The following NPAS3 variants were observed in gnomAD, a reference collection of about 807,000 sequenced individuals.
NPAS3 encodes neuronal PAS domain-containing protein 3.
In NPAS3, 14 loss-of-function variants were observed where a neutral mutation model predicts 73.1. The observed-to-expected ratio is 0.19, with a 90% CI of 0.13 to 0.30. The LOEUF is 0.30. Ranked by LOEUF, NPAS3 falls within the 10% of genes least tolerant of loss-of-function variation. NPAS3 has a pLI of 1.00. For missense variants in NPAS3, 1,096 were observed against 1,250.0 expected, an observed-to-expected ratio of 0.88 and a Z score of 1.86; for synonymous variants, 620 against 541.5, an observed-to-expected ratio of 1.14 and a Z score of -2.01.
chr14:33,615,308 T>C (rs999987726), intron 5 of NPAS3, among the ~76,000 whole-genome samples: 1 of 152,088 alleles, frequency 6.6e-6, no homozygotes, highest in Non-Finnish European at 1.5e-5. Context: ...CCAAGTTCAA[T>C]TTGGCTGCAG....
intron 3 of NPAS3, among the ~76,000 whole-genome samples, chr14:33,325,462 A>G (rs966223101): frequency 6.6e-6 from 1 of 152,110 alleles, no homozygotes; most frequent in Non-Finnish European, 1.5e-5. Flanking sequence ...CCTGGCCAAC[A>G]TGGTGAAACC....
chr14:33,384,456 G>A (rs1340503854), intron 4 of NPAS3, among the ~76,000 whole-genome samples: 1 of 151,870 alleles, frequency 6.6e-6, no homozygotes, highest in Non-Finnish European at 1.5e-5. Context: ...AAGGCCAGGT[G>A]CAGTGGCTCA....
intron 2 of NPAS3, among the ~76,000 whole-genome samples, chr14:33,154,743 CA>C (rs2044586765): frequency 6.6e-6 from 1 of 152,166 alleles, no homozygotes; most frequent in Non-Finnish European, 1.5e-5. Flanking sequence ...TCCTAACAAA[CA>C]AATATGACAA....
chr14:33,285,846 A>C (rs1226675597), intron 3 of NPAS3, among the ~76,000 whole-genome samples: 1 of 152,100 alleles, frequency 6.6e-6, no homozygotes, highest in African/African-American at 2.4e-5. Flanking sequence ...TAGAATTGAA[A>C]GCTTTATGTA....
chr14:32,983,438 T>A (rs1361862429), intron 1 of NPAS3, among the ~76,000 whole-genome samples: 1 of 152,308 alleles, frequency 6.6e-6, no homozygotes, highest in South Asian at 2.1e-4. Context: ...TGTATTAAAT[T>A]ATTTATTTTT....
chr14:33,450,462 A>AT (rs1286285829), intron 4 of NPAS3, among the ~76,000 whole-genome samples: 2 of 152,138 alleles, frequency 1.3e-5, no homozygotes, highest in Non-Finnish European at 2.9e-5. Context: ...CTCCCAAACT[A>AT]TTTTTTTAAT....
intron 2 of NPAS3, among the ~76,000 whole-genome samples, chr14:33,182,661 A>C (rs769919079): frequency 6.6e-6 from 1 of 151,776 alleles, no homozygotes; most frequent in Non-Finnish European, 1.5e-5. Flanking sequence ...TAGGTTCCAA[A>C]TTTTTTCCTT....
At chr14:32,999,384 G>T (rs1180486052) in intron 1 of NPAS3, among the ~76,000 whole-genome samples, 1 of 152,028 alleles carries the variant, frequency 6.6e-6, no homozygotes, top group Non-Finnish European at 1.5e-5. Flanking sequence ...GGTGGCAGGT[G>T]CCTGTAGTCC....
intron 6 of NPAS3, among the ~76,000 whole-genome samples, chr14:33,693,482 G>GAATTTCCC (rs1199580420): frequency 2.6e-5 from 4 of 152,078 alleles, no homozygotes; most frequent in Admixed American, 2.6e-4. Flanking sequence ...CCGTCAATGT[G>GAATTTCCC]GTAAATTCAG....
At chr14:33,596,672 G>C (rs557195429) in intron 5 of NPAS3, among the ~76,000 whole-genome samples, 10 of 152,190 alleles carry the variant, frequency 6.6e-5, no homozygotes, top group Non-Finnish European at 1.2e-4. Flanking sequence ...ATAAAGATTT[G>C]TATTACAATG....
intron 3 of NPAS3, among the ~76,000 whole-genome samples, chr14:33,341,962 T>C (rs2044506541): frequency 6.6e-6 from 1 of 152,246 alleles, no homozygotes; most frequent in South Asian, 2.1e-4. Context: ...TTCTGGTTTG[T>C]TACTGTCTTG....
intron 4 of NPAS3, among the ~76,000 whole-genome samples, chr14:33,503,292 A>G (rs552654924): frequency 3.1e-4 from 47 of 152,060 alleles, no homozygotes; most frequent in Middle Eastern, 3.4e-3. Flanking sequence ...TATATTCTAA[A>G]TGGCTTGAGT....
At position 33,221,738 on chromosome 14, in the gene NPAS3, C is replaced by A. The variant is rs551120590; in HGVS notation, c.385+6312C>A. 2.0e-5 allele frequency among the ~76,000 whole-genome samples: 3 copies of A among 152,086 alleles called. No homozygotes were observed. In the South Asian group the frequency reaches 6.2e-4, roughly 31 times the overall value. On this transcript the variant is annotated intron_variant, in intron 3 of 11. Transcript: ENST00000356141. ...TTAAGATTAATCAACCTCTTTCTAT[C>A]GCCACTATTACCTTATTTTCCTGTA...
At chr14:32,952,559 CT>C (rs1417228072) in intron 1 of NPAS3, among the ~76,000 whole-genome samples, 1 of 151,894 alleles carries the variant, frequency 6.6e-6, no homozygotes, top group African/African-American at 2.4e-5. Flanking sequence ...AGTACCTCCC[CT>C]GGAAACAATG....
chr14:33,269,978 G>A (rs1403097430), intron 3 of NPAS3, among the ~76,000 whole-genome samples: 6 of 152,140 alleles, frequency 3.9e-5, no homozygotes, highest in East Asian at 1.9e-4. Flanking sequence ...TTGGGCGGGT[G>A]CAGTAGTGAG....
At chr14:33,333,549 A>G (rs1306081570) in intron 3 of NPAS3, among the ~76,000 whole-genome samples, 2 of 151,750 alleles carry the variant, frequency 1.3e-5, no homozygotes, top group East Asian at 3.9e-4. Context: ...GAGGTTGTCT[A>G]ACAAGTTTAA....
intron 3 of NPAS3, among the ~76,000 whole-genome samples, chr14:33,232,399 A>G (rs2047884344): frequency 6.6e-6 from 1 of 152,208 alleles, no homozygotes; most frequent in African/African-American, 2.4e-5. Context: ...CCATATTATG[A>G]GATCATACTT....
chr14:33,325,830 C>T (rs2140254359), intron 3 of NPAS3, among the ~76,000 whole-genome samples: 1 of 151,644 alleles, frequency 6.6e-6, no homozygotes, highest in Middle Eastern at 3.4e-3. Flanking sequence ...TATGATAAGC[C>T]AATCTGATGG....
intron 5 of NPAS3, among the ~76,000 whole-genome samples, chr14:33,594,081 A>G (rs183823649): frequency 1.3e-5 from 2 of 152,334 alleles, no homozygotes; most frequent in Non-Finnish European, 2.9e-5. Flanking sequence ...CTAAAAAAGT[A>G]AAAATACAGT....
Sources: allele counts gnomAD v4.1 joint callset (sites outside exome capture counted in the v4.1 genomes callset), GRCh38; gene constraint gnomAD v4.1.1; transcripts MANE v1.5; gene names NCBI Gene and HGNC (gene_info 2026-07-23, HGNC 2026-07-21).